Variants in FAM81A observed in about 807,000 individuals in gnomAD.
FAM81A encodes the protein protein FAM81A.
A neutral mutation model predicts 46.7 loss-of-function variants in FAM81A; 19 were observed. That is an observed-to-expected ratio of 0.41 (90% CI 0.28 to 0.60). The LOEUF (loss-of-function observed/expected upper bound fraction) is 0.60. Among genes scored for constraint, FAM81A ranks in the 20% least tolerant of loss-of-function variants. The pLI, the probability that FAM81A is intolerant of heterozygous loss-of-function variation, is 0.34. For synonymous variants in FAM81A, 183 were observed against 152.9 expected, an observed-to-expected ratio of 1.20 and a Z score of -1.45; for missense variants, 377 against 453.5, an observed-to-expected ratio of 0.83 and a Z score of 1.53.
At chr15:59,446,245 A>T (rs1290508709) in intron 1 of FAM81A, among the ~76,000 whole-genome samples, 1 of 152,238 alleles carries the variant, frequency 6.6e-6, no homozygotes, top group Non-Finnish European at 1.5e-5. Context: ...TTTAAATAGC[A>T]TTTCAAAATA....
At chr15:59,483,774 G>A (rs2141722017) in intron 3 of FAM81A, among the ~76,000 whole-genome samples, 1 of 152,298 alleles carries the variant, frequency 6.6e-6, no homozygotes, top group Admixed American at 6.5e-5. Context: ...CTGAACAGTT[G>A]GGATAGGCAG....
chr15:59,453,827 A>G (rs1458069459), intron 1 of FAM81A, among the ~76,000 whole-genome samples: 1 of 152,010 alleles, frequency 6.6e-6, no homozygotes, highest in Non-Finnish European at 1.5e-5. Context: ...AGAGAGAGGA[A>G]TGAGAAGTGC....
At chr15:59,445,781 T>C (rs1167441788) in intron 1 of FAM81A, among the ~76,000 whole-genome samples, 1 of 152,246 alleles carries the variant, frequency 6.6e-6, no homozygotes, top group African/African-American at 2.4e-5. Context: ...CATGGGCTTT[T>C]AATAATATTT....
At chr15:59,427,929 A>G (rs1367842572) in intron 2 of FAM81A, among the ~76,000 whole-genome samples, 4 of 152,258 alleles carry the variant, frequency 2.6e-5, no homozygotes, top group African/African-American at 7.2e-5. Context: ...TCTGGCAGTG[A>G]AACTGCTGGG....
chr15:59,443,049 C>T (rs544907999), intron 1 of FAM81A, among the ~76,000 whole-genome samples: 1 of 152,216 alleles, frequency 6.6e-6, no homozygotes, highest in Non-Finnish European at 1.5e-5. Flanking sequence ...TAATAATGTC[C>T]TTCATGGCAA....
At chr15:59,412,639 A>G (rs76149156) in intron 2 of FAM81A, among the ~76,000 whole-genome samples, 14,103 of 151,700 alleles carry the variant, frequency 0.093, 1,746 homozygotes, top group African/African-American at 0.28. Context: ...AGGTGGGAGA[A>G]TTGCCTGAGT....
At chr15:59,445,975 C>T (rs995117564) in intron 1 of FAM81A, among the ~76,000 whole-genome samples, 9 of 152,186 alleles carry the variant, frequency 5.9e-5, no homozygotes, top group Non-Finnish European at 7.3e-5. Flanking sequence ...CAGCCTTCCG[C>T]CGAGCTCACA....
chr15:59,473,665 G>A (rs1267664065), intron 3 of FAM81A, among the ~76,000 whole-genome samples: 1 of 152,122 alleles, frequency 6.6e-6, no homozygotes, highest in Non-Finnish European at 1.5e-5. Context: ...AGTCTATTCT[G>A]ACATTACCGT....
intron 1 of FAM81A, chr15:59,445,656 C>G (rs1274124643): frequency 1.3e-5 from 2 of 152,178 alleles, no homozygotes; most frequent in Non-Finnish European, 2.9e-5. Flanking sequence ...AAATTCTTAG[C>G]TTTTCAGCCA....
intron 2 of FAM81A, among the ~76,000 whole-genome samples, chr15:59,418,555 C>G (rs1172391024): frequency 2.0e-5 from 3 of 152,166 alleles, no homozygotes; most frequent in Non-Finnish European, 2.9e-5. Flanking sequence ...GTTTCCCAAG[C>G]TTGGTGCAAT....
At chr15:59,481,212 A>C (rs1038143869) in intron 3 of FAM81A, among the ~76,000 whole-genome samples, 1 of 152,102 alleles carries the variant, frequency 6.6e-6, no homozygotes, top group African/African-American at 2.4e-5. Context: ...TGCCCAGGCT[A>C]GTCTCAAACT....
chr15:59,419,448 C>T (rs2081161148), intron 2 of FAM81A, among the ~76,000 whole-genome samples: 1 of 152,212 alleles, frequency 6.6e-6, no homozygotes, highest in African/African-American at 2.4e-5. Flanking sequence ...TAAGTTTCCT[C>T]TCCTCTTTTC....
At chr15:59,505,466 C>T (rs1567074226) in intron 4 of FAM81A, among the ~76,000 whole-genome samples, 1 of 151,170 alleles carries the variant, frequency 6.6e-6, no homozygotes, top group Non-Finnish European at 1.5e-5. Context: ...GAGCCGAGAT[C>T]ACGCCACTGC....
intron 1 of FAM81A, among the ~76,000 whole-genome samples, chr15:59,452,684 A>T (rs2081433251): frequency 6.6e-6 from 1 of 152,218 alleles, no homozygotes; most frequent in Non-Finnish European, 1.5e-5. Context: ...ATATCTTTAT[A>T]TATTGACGTG....
At chr15:59,405,549 G>C (rs2140466426) in intron 2 of FAM81A, among the ~76,000 whole-genome samples, 1 of 152,256 alleles carries the variant, frequency 6.6e-6, no homozygotes, top group South Asian at 2.1e-4. Context: ...GCTGATGGGG[G>C]AGGATCGCTT....
intron 3 of FAM81A, among the ~76,000 whole-genome samples, chr15:59,486,513 T>A (rs908195902): frequency 1.3e-5 from 2 of 151,720 alleles, no homozygotes; most frequent in Non-Finnish European, 2.9e-5. Context: ...ACAAAAGATA[T>A]CAAAATTCAA....
chr15:59,456,379 A>G (rs2081484707), intron 1 of FAM81A, among the ~76,000 whole-genome samples: 1 of 152,154 alleles, frequency 6.6e-6, no homozygotes, highest in African/African-American at 2.4e-5. Flanking sequence ...AGGCCAGAGC[A>G]TGTTCAGAAG....
At chr15:59,398,384 T>C (rs1182211488) in intron 1 of FAM81A, among the ~76,000 whole-genome samples, 1 of 152,174 alleles carries the variant, frequency 6.6e-6, no homozygotes, top group Non-Finnish European at 1.5e-5. Flanking sequence ...TTCCACAGGA[T>C]GGGAGTTGAC....
intron 3 of FAM81A, among the ~76,000 whole-genome samples, chr15:59,470,335 T>TACA (rs2081669760): frequency 6.6e-6 from 1 of 152,194 alleles, no homozygotes; most frequent in African/African-American, 2.4e-5. Flanking sequence ...CACTTTCAGG[T>TACA]ACAACAATCC....
Sources: gnomAD v4.1 joint callset for allele counts (sites outside exome capture counted in the v4.1 genomes callset) on GRCh38, gnomAD v4.1.1 for gene constraint, MANE v1.5 for transcripts, NCBI Gene and HGNC (gene_info 2026-07-23, HGNC 2026-07-21) for gene names.